NCAM2: variants seen among roughly 807,000 people sequenced by gnomAD.
NCAM2 encodes the protein N-CAM-2.
In NCAM2, 30 loss-of-function variants were observed where a neutral mutation model predicts 98.1. The ratio of observed to expected loss-of-function variants is 0.31; its 90% CI spans 0.23 to 0.41. The LOEUF (loss-of-function observed/expected upper bound fraction) is 0.41, where lower values mean the gene tolerates loss of function less well. Among genes scored for constraint, NCAM2 ranks in the 10% least tolerant of loss-of-function variants. NCAM2 has a pLI of 1.00. For synonymous variants in NCAM2, 368 were observed against 342.4 expected, an observed-to-expected ratio of 1.07 and a Z score of -0.83; for missense variants, 867 against 1,005.8, an observed-to-expected ratio of 0.86 and a Z score of 1.87.
chr21:21,355,295 C>T (rs954760696), intron 8 of NCAM2, among the ~76,000 whole-genome samples: 2 of 151,136 alleles, frequency 1.3e-5, no homozygotes, highest in African/African-American at 4.9e-5. Context: ...ATTAGCCGAG[C>T]CTGGTGGTGT....
At chr21:21,245,063 G>A (rs2071212690) in intron 1 of NCAM2, among the ~76,000 whole-genome samples, 1 of 152,080 alleles carries the variant, frequency 6.6e-6, no homozygotes, top group Non-Finnish European at 1.5e-5. Flanking sequence ...TGAGAGTGTT[G>A]AGAGACATCT....
intron 1 of NCAM2, among the ~76,000 whole-genome samples, chr21:21,100,646 T>G (rs554801141): frequency 6.6e-6 from 1 of 152,164 alleles, no homozygotes; most frequent in East Asian, 1.9e-4. Context: ...GGTTTTAAAT[T>G]TCTAACACTT....
In NCAM2 at chr21:21,312,538, A is replaced by G. The variant is rs143028621; in HGVS notation, c.620-11845A>G. ...ACTTTAAAGAAACTGTTTGCTGATA[A>G]CAGTATTGTGTCAGCCTTATATTCA... On this transcript the variant is annotated intron_variant, in intron 5 of 17. Transcript: ENST00000400546. 3.2e-4 allele frequency among the ~76,000 whole-genome samples: 48 copies of G among 151,398 alleles called. 1 individual carries two copies. In the East Asian group the frequency reaches 9.1e-3, roughly 29 times the overall value.
intron 1 of NCAM2, among the ~76,000 whole-genome samples, chr21:21,194,311 T>C (rs1165277349): frequency 1.3e-5 from 2 of 152,168 alleles, no homozygotes; most frequent in Non-Finnish European, 2.9e-5. Context: ...CATTTCAGGC[T>C]AGAGGGACTT....
chr21:21,024,882 G>A (rs1342923246), intron 1 of NCAM2, among the ~76,000 whole-genome samples: 4 of 147,972 alleles, frequency 2.7e-5, no homozygotes, highest in Admixed American at 6.7e-5. Context: ...GGGTGACTCC[G>A]TCTCAAAGAA....
intron 5 of NCAM2, among the ~76,000 whole-genome samples, chr21:21,311,243 G>T (rs1196950548): frequency 6.6e-6 from 1 of 151,834 alleles, no homozygotes; most frequent in African/African-American, 2.4e-5. Flanking sequence ...GTTGTTGTTG[G>T]CCTAGTGTTT....
At chr21:21,312,887 T>C (rs2074100473) in intron 5 of NCAM2, among the ~76,000 whole-genome samples, 1 of 151,862 alleles carries the variant, frequency 6.6e-6, no homozygotes, top group African/African-American at 2.4e-5. Context: ...TTTAAATAAA[T>C]GTATTTTTTA....
chr21:21,092,441 T>C (rs143341168), intron 1 of NCAM2, among the ~76,000 whole-genome samples: 444 of 152,156 alleles, frequency 2.9e-3, no homozygotes, highest in African/African-American at 0.01. Flanking sequence ...ACTGAATGAA[T>C]AATATTATTA....
intron 1 of NCAM2, among the ~76,000 whole-genome samples, chr21:21,132,464 A>C (rs945997822): frequency 3.9e-5 from 6 of 152,062 alleles, no homozygotes; most frequent in Non-Finnish European, 2.9e-5. Context: ...TTGAGGGAAG[A>C]GGGATTGCTC....
At chr21:21,303,968 CTTATTA>C (rs912354256) in intron 5 of NCAM2, among the ~76,000 whole-genome samples, 2 of 152,012 alleles carry the variant, frequency 1.3e-5, no homozygotes, top group African/African-American at 4.8e-5. Context: ...GGGCTGTTTT[CTTATTA>C]TTGAGTTTAC....
chr21:21,168,687 TTACTA>T (rs71195308), intron 1 of NCAM2, among the ~76,000 whole-genome samples: 51,263 of 151,538 alleles, frequency 0.34, 9,441 homozygotes, highest in Non-Finnish European at 0.43. Flanking sequence ...CTAAAACACA[TTACTA>T]TATTAATACT....
intron 1 of NCAM2, among the ~76,000 whole-genome samples, chr21:21,256,303 C>T (rs1358221155): frequency 6.6e-6 from 1 of 152,038 alleles, no homozygotes; most frequent in Non-Finnish European, 1.5e-5. Context: ...TTGCAGTGAG[C>T]CGAGATCACG....
chr21:21,503,182 C>A (rs1987746547), intron 15 of NCAM2, among the ~76,000 whole-genome samples: 2 of 151,878 alleles, frequency 1.3e-5, no homozygotes, highest in African/African-American at 4.8e-5. Context: ...TCGTACTTAA[C>A]CCTACATATA....
chr21:21,519,975 C>G (rs1988925260), intron 16 of NCAM2, among the ~76,000 whole-genome samples: 2 of 151,982 alleles, frequency 1.3e-5, no homozygotes. Context: ...AGATCAGTGT[C>G]ATAGAGGATA....
chr21:21,006,187 G>T (rs929046039), intron 1 of NCAM2, among the ~76,000 whole-genome samples: 6 of 152,112 alleles, frequency 3.9e-5, no homozygotes, highest in African/African-American at 1.4e-4. Flanking sequence ...TAAACCAGGG[G>T]ATGATGTGTT....
At chr21:21,430,495 G>A (rs1381735755) in intron 11 of NCAM2, among the ~76,000 whole-genome samples, 1 of 149,816 alleles carries the variant, frequency 6.7e-6, no homozygotes, top group Non-Finnish European at 1.5e-5. Flanking sequence ...CTGCATTCCT[G>A]GGGAGGCCTC....
intron 1 of NCAM2, among the ~76,000 whole-genome samples, chr21:21,146,878 C>A (rs901675834): frequency 1.3e-5 from 2 of 152,014 alleles, no homozygotes; most frequent in Non-Finnish European, 2.9e-5. Context: ...TACTCCAGTA[C>A]CAGTGGACTT....
intron 15 of NCAM2, among the ~76,000 whole-genome samples, chr21:21,487,561 G>C (rs1371122687): frequency 6.6e-6 from 1 of 152,002 alleles, no homozygotes; most frequent in Non-Finnish European, 1.5e-5. Context: ...TCAAAAGATT[G>C]TTTTGACCGT....
intron 1 of NCAM2, among the ~76,000 whole-genome samples, chr21:21,088,255 G>T (rs1468618753): frequency 6.6e-6 from 1 of 152,120 alleles, no homozygotes; most frequent in Non-Finnish European, 1.5e-5. Flanking sequence ...CCAAGCATTT[G>T]TTAATAAAAA....
Sources: gnomAD v4.1 joint callset for allele counts (sites outside exome capture counted in the v4.1 genomes callset) on GRCh38, gnomAD v4.1.1 for gene constraint, MANE v1.5 for transcripts, NCBI Gene and HGNC (gene_info 2026-07-23, HGNC 2026-07-21) for gene names.